USP46: variants seen among roughly 807,000 people sequenced by gnomAD.
The protein encoded by USP46 is ubiquitin carboxyl-terminal hydrolase 46.
In USP46, 12 loss-of-function variants were observed where a neutral mutation model predicts 44.4. That is an observed-to-expected ratio of 0.27 (90% CI 0.17 to 0.44). USP46 has a LOEUF of 0.44. USP46 is among the 20% of genes least tolerant of loss of function. The pLI, the probability that USP46 is intolerant of heterozygous loss-of-function variation, is 1.00. For synonymous variants in USP46, 155 were observed against 161.5 expected (o/e 0.96, Z 0.31); for missense variants, 248 against 444.8 (o/e 0.56, Z 3.98).
At chr4:52,645,070 C>T (rs546100526) in intron 1 of USP46, among the ~76,000 whole-genome samples, 2 of 150,574 alleles carry the variant, frequency 1.3e-5, no homozygotes, top group Non-Finnish European at 3.0e-5. Context: ...ACAACAACAA[C>T]AAAAATTAGC....
In USP46 at chr4:52,632,918, G is replaced by GAAAGAAAGAAAGAAAGAA. The variant is rs34224846; in HGVS notation, c.37-1775_37-1774insTTCTTTCTTTCTTTCTTT. Among the ~76,000 whole-genome samples, 10 of 35,166 alleles carry GAAAGAAAGAAAGAAAGAA rather than the reference G, an allele frequency of 2.8e-4. 1 individual carries two copies. Among genetic ancestry groups the GAAAGAAAGAAAGAAAGAA allele is most frequent in the East Asian group, 1.2e-3 (1 of 858 alleles). The allele number at this position is 35,166 out of a possible 152,430, so 23.1% of individuals were successfully genotyped here. A position where few individuals can be genotyped will look rare whatever the true frequency, so the allele number is the denominator to read the frequency against. On this transcript the variant is annotated intron_variant, in intron 1 of 8. Coordinates refer to ENST00000441222, the MANE Select transcript of USP46 (RefSeq NM_022832.4). ...AGGAAGGGAAAGAGAAAGAAAGAAA[G>GAAAGAAAGAAAGAAAGAA]AGAAAGAAAGAAAGAAAGAAAGAAA...
chr4:52,659,101 G>C lies in USP46; in HGVS notation c.36+14C>G. The C allele has an allele frequency of 6.4e-7, 1 of 1,556,502 alleles. No individual in the cohort carries two copies. Among genetic ancestry groups the C allele is most frequent in the Non-Finnish European group, 8.7e-7 (1 of 1,153,414 alleles). On this transcript the variant is annotated intron_variant, in intron 1 of 8. Transcript: ENST00000441222. The surrounding 1 kb of genome is among the most constrained non-coding windows in gnomAD (Gnocchi z 4.2). ...GCGAGTCGGGCGCGACCCCGAGGCG[G>C]CTCGGCCACTCACCATATTACAGAT...
chr4:52,639,578 C>A (rs142839709), intron 1 of USP46, among the ~76,000 whole-genome samples: 4 of 152,204 alleles, frequency 2.6e-5, no homozygotes, highest in African/African-American at 9.6e-5. Flanking sequence ...TACTTTTGCT[C>A]ACAATCCTGC....
intron 1 of USP46, chr4:52,650,872 G>A (rs1718732320): frequency 6.6e-6 from 1 of 152,084 alleles, no homozygotes; most frequent in South Asian, 2.1e-4. Context: ...GCCAAGGTGG[G>A]CGGATCACGA....
In USP46 at chr4:52,627,939, A is replaced by AT; in HGVS notation, c.331+10dup. The AT allele has an allele frequency of 6.2e-7, 1 of 1,609,092 alleles. No individual in the cohort carries two copies. Among genetic ancestry groups the AT allele is most frequent in the East Asian group, 2.2e-5 (1 of 44,838 alleles). ...CAGAGGCTTAAATACATTATACTGC[A>AT]TACTACTCACCATTCTCTTTTCTCA... On this transcript the variant is annotated intron_variant, in intron 3 of 8. Coordinates refer to ENST00000441222, the MANE Select transcript of USP46 (RefSeq NM_022832.4).
At chr4:52,625,574 T>C (rs970000839) in intron 4 of USP46, among the ~76,000 whole-genome samples, 7 of 152,178 alleles carry the variant, frequency 4.6e-5, no homozygotes, top group Admixed American at 1.3e-4. Context: ...TCGCCCCAAA[T>C]ACCCAGTTAA....
chr4:52,658,319 T>C, intron 1 of USP46: 1 of 455,922 alleles, frequency 2.2e-6, no homozygotes, highest in Non-Finnish European at 4.4e-6. Context: ...AAACCCAAAT[T>C]AAAGTGACCA....
At chr4:52,611,052 A>G (rs552383070) in intron 4 of USP46, among the ~76,000 whole-genome samples, 1 of 152,350 alleles carries the variant, frequency 6.6e-6, no homozygotes, top group South Asian at 2.1e-4. Context: ...AGTCCCTTGA[A>G]ATCACTCCCT....
rs990268363 is a variant in USP46, at chr4:52,659,037, G to A, written c.36+78C>T. The stretch of plus-strand genomic sequence containing the variant: ...CCGCCCCCGCCGCCCCAGCCACCGG[G>A]CGTGTGTGCAGCTCGGGCTTCCCTT... On this transcript the variant is annotated intron_variant, in intron 1 of 8. Coordinates refer to ENST00000441222, the MANE Select transcript of USP46 (RefSeq NM_022832.4). The surrounding 1 kb of genome is among the most constrained non-coding windows in gnomAD (Gnocchi z 4.2). The A allele has an allele frequency of 3.4e-6, 5 of 1,477,746 alleles. No individual in the cohort carries two copies. The South Asian group carries it at 3.9e-5, about 11-fold the overall frequency. 91.5% of individuals were successfully genotyped at this position (1,477,746 alleles called of 1,614,324 possible).
chr4:52,653,916 T>A (rs943358209), intron 1 of USP46, among the ~76,000 whole-genome samples: 1 of 152,256 alleles, frequency 6.6e-6, no homozygotes, highest in African/African-American at 2.4e-5. Context: ...CTTTCAATTA[T>A]AACCCAAACA....
intron 6 of USP46, among the ~76,000 whole-genome samples, chr4:52,602,455 G>A (rs1716512653): frequency 6.6e-6 from 1 of 152,226 alleles, no homozygotes; most frequent in South Asian, 2.1e-4. Context: ...GGACAAGGTA[G>A]ATGATGCCGA....
chr4:52,597,492 A>C lies in USP46; in HGVS notation c.*148T>G, dbSNP rs907607409. 1.6e-6 allele frequency: 1 copy of C among 627,950 alleles called. No homozygotes were observed. Among genetic ancestry groups the C allele is most frequent in the African/African-American group, 1.9e-5 (1 of 52,982 alleles). The allele number at this position is 627,950 out of a possible 1,614,324, so 38.9% of individuals were successfully genotyped here. A position where few individuals can be genotyped will look rare whatever the true frequency, so the allele number is the denominator to read the frequency against. ...AGAGTAGTGCTGCATGTAAAAACAC[A>C]AAAGGAGAGAGTCTAACACAGCCAG... On this transcript the variant is annotated 3_prime_UTR_variant, in exon 9 of 9. Transcript: ENST00000441222.
chr4:52,605,112 A>G (rs1716637621), intron 5 of USP46, among the ~76,000 whole-genome samples: 1 of 152,190 alleles, frequency 6.6e-6, no homozygotes, highest in Non-Finnish European at 1.5e-5. Flanking sequence ...AAGTAAAGAT[A>G]ATGAAATTTA....
chr4:52,655,442 A>T (rs963317396), intron 1 of USP46: 7 of 152,260 alleles, frequency 4.6e-5, no homozygotes, highest in Admixed American at 4.6e-4. Flanking sequence ...TTATTAACAA[A>T]TGAAATAAGA....
chr4:52,646,916 C>T (rs1420089592), intron 1 of USP46, among the ~76,000 whole-genome samples: 1 of 152,214 alleles, frequency 6.6e-6, no homozygotes, highest in Non-Finnish European at 1.5e-5. Flanking sequence ...GCCAGAGTCA[C>T]ACATATTGCT....
chr4:52,605,486 T>C (rs930659001), intron 5 of USP46, among the ~76,000 whole-genome samples: 8 of 152,208 alleles, frequency 5.3e-5, no homozygotes, highest in Non-Finnish European at 8.8e-5. Context: ...CCTAGTACCA[T>C]AATGACCAGA....
chr4:52,643,689 T>TAGCA (rs1375381471), intron 1 of USP46, among the ~76,000 whole-genome samples: 1 of 152,200 alleles, frequency 6.6e-6, no homozygotes, highest in Non-Finnish European at 1.5e-5. Flanking sequence ...GGGGAAAAGT[T>TAGCA]AGCAGTAGGT....
rs996823088 is a variant in USP46, at chr4:52,596,667, C to T, written c.*973G>A. The T allele has an allele frequency of 1.3e-5, 2 of 152,310 alleles. No individual in the cohort carries two copies. Among genetic ancestry groups the T allele is most frequent in the African/African-American group, 4.8e-5 (2 of 41,432 alleles). The allele number at this position is 152,310 out of a possible 1,614,324, so 9.4% of individuals were successfully genotyped here. On this transcript the variant is annotated 3_prime_UTR_variant, in exon 9 of 9. Transcript: ENST00000441222. Reference sequence around the variant, plus strand: ...TATGTTAAAAAGTTAAGTTGTACAACGTGCTGATGGCTGGAAAGATGTAGT... The same window carrying T: ...TATGTTAAAAAGTTAAGTTGTACAATGTGCTGATGGCTGGAAAGATGTAGT...
At chr4:52,635,394 T>C (rs1218814331) in intron 1 of USP46, among the ~76,000 whole-genome samples, 2 of 152,212 alleles carry the variant, frequency 1.3e-5, no homozygotes, top group African/African-American at 4.8e-5. Context: ...CTAGATTCAC[T>C]GGAATGCCCC....
Sources: allele counts gnomAD v4.1 joint callset (sites outside exome capture counted in the v4.1 genomes callset), GRCh38; gene constraint gnomAD v4.1.1; non-coding constraint Gnocchi (gnomAD v3.1); transcripts MANE v1.5; gene names NCBI Gene and HGNC (gene_info 2026-07-23, HGNC 2026-07-21).